RCBTB1: variants seen among roughly 807,000 people sequenced by gnomAD.
RCBTB1 encodes the protein RCC1 and BTB domain containing protein 1.
RCBTB1 carries 46 observed loss-of-function variants against 62.4 expected under a neutral mutation model. That is an observed-to-expected ratio of 0.74 (90% CI 0.58 to 0.94). The LOEUF (loss-of-function observed/expected upper bound fraction) is 0.94. Among genes scored for constraint, RCBTB1 ranks in the 40% least tolerant of loss-of-function variants. The pLI is 0.00. For synonymous variants in RCBTB1, 222 were observed against 245.8 expected (o/e 0.90, Z 0.91); for missense variants, 565 against 654.9 (o/e 0.86, Z 1.50).
intron 4 of RCBTB1, among the ~76,000 whole-genome samples, chr13:49,565,955 G>A (rs1459910786): frequency 4.0e-5 from 6 of 151,064 alleles, no homozygotes; most frequent in Admixed American, 2.0e-4. Context: ...GTTGATCTAT[G>A]ACCTTACCCC....
chr13:49,579,637 A>G (rs1963983390), intron 2 of RCBTB1, among the ~76,000 whole-genome samples: 1 of 152,058 alleles, frequency 6.6e-6, no homozygotes, highest in South Asian at 2.1e-4. Flanking sequence ...AAAAAAAAAA[A>G]AAGAATGAAA....
intron 9 of RCBTB1, among the ~76,000 whole-genome samples, 189 bp from the exon 10 acceptor site, chr13:49,545,052 GA>G (rs1960691050): frequency 1.3e-5 from 2 of 150,478 alleles, no homozygotes; most frequent in Middle Eastern, 3.4e-3. Flanking sequence ...AACTACCAAA[GA>G]AAACCACCAA....
intron 2 of RCBTB1, among the ~76,000 whole-genome samples, chr13:49,577,459 G>C (rs1156407291): frequency 6.6e-6 from 1 of 152,180 alleles, no homozygotes; most frequent in East Asian, 1.9e-4. Flanking sequence ...ATTTAGGGTT[G>C]ATCTGTAAGC....
rs55875979 is a variant in RCBTB1, at chr13:49,562,514, C to CA, written c.278-2431dup. On this transcript the variant is annotated intron_variant, in intron 4 of 12. Transcript: ENST00000378302. ...TAGCCTGGACAGAGAGACCCTGTCT[C>CA]AAAAAAAAAAAAAAAAAAAAATTTG... 7.8e-3 allele frequency among the ~76,000 whole-genome samples: 904 copies of CA among 115,288 alleles called. 5 individuals carry two copies. The highest frequency in any genetic ancestry group is 0.027 in the Middle Eastern group (6 of 220). 75.6% of individuals were successfully genotyped at this position (115,288 alleles called of 152,430 possible).
chr13:49,578,174 G>A (rs183868443), intron 2 of RCBTB1, among the ~76,000 whole-genome samples: 86 of 152,234 alleles, frequency 5.6e-4, no homozygotes, highest in Non-Finnish European at 9.3e-4. Flanking sequence ...ATAGAAAATG[G>A]CATAGTATTT....
chr13:49,557,896 C>T lies in RCBTB1; in HGVS notation c.444+2022G>A, dbSNP rs556516062. 1.4e-4 allele frequency among the ~76,000 whole-genome samples: 21 copies of T among 152,332 alleles called. No homozygotes were observed. The South Asian group carries it at 4.3e-3, about 32-fold the overall frequency. ...TACATGCACAGGGCTACAATATTCA[C>T]ACCACATCAAGTACAAATATGGTCA... is the stretch of plus-strand genomic sequence containing the variant. On this transcript the variant is annotated intron_variant, in intron 5 of 12. Coordinates refer to ENST00000378302, the MANE Select transcript of RCBTB1 (RefSeq NM_018191.4).
rs1226422584 is a variant in RCBTB1 at position 49,543,263 on chromosome 13, C to CA, written c.1173-1437dup. On this transcript the variant is annotated intron_variant, in intron 10 of 12. Transcript: ENST00000378302. Reference sequence around the variant, plus strand: ...TGGGTGACAGAATGAGTCTCTGTCTCAAAAAAAAAAGAAAAAGAATCCATT... The same window carrying CA: ...TGGGTGACAGAATGAGTCTCTGTCTCAAAAAAAAAAAGAAAAAGAATCCATT... Among the ~76,000 whole-genome samples the CA allele has an allele frequency of 8.8e-3, 1,234 of 140,052 alleles. 11 individuals are homozygous for CA. Among genetic ancestry groups the CA allele is most frequent in the African/African-American group, 0.02 (738 of 37,844 alleles). 91.9% of individuals were successfully genotyped at this position (140,052 alleles called of 152,430 possible).
chr13:49,579,188 C>T (rs1963951060), intron 2 of RCBTB1, among the ~76,000 whole-genome samples: 1 of 152,160 alleles, frequency 6.6e-6, no homozygotes, highest in Admixed American at 6.5e-5. Flanking sequence ...AAACTTAAAA[C>T]CATTTCACCC....
intron 11 of RCBTB1, 105 bp from the exon 12 acceptor site, chr13:49,541,111 T>G: frequency 1.1e-6 from 1 of 926,938 alleles, no homozygotes; most frequent in South Asian, 1.8e-5. Context: ...TAGAAGTTTC[T>G]TAGTGGATAA....
At chr13:49,534,506 ACG>A (rs534138775) in intron 12 of RCBTB1, among the ~76,000 whole-genome samples, 143 of 151,346 alleles carry the variant, frequency 9.4e-4, no homozygotes, top group African/African-American at 2.3e-3. Flanking sequence ...CAAAACACAC[ACG>A]CGCGCGCACA....
At position 49,549,618 on chromosome 13, in the gene RCBTB1, G is replaced by A. The variant is rs1961154850; in HGVS notation, c.885C>T (p.Ala295=). Residue 295 remains alanine (A), a synonymous_variant, in exon 9 of 13, where the codon GCC becomes GCT. Coordinates refer to ENST00000378302, the MANE Select transcript of RCBTB1 (RefSeq NM_018191.4). ...CCTGCGTCTTGGCTGCAGACGTGTGGGCAGAGTGACAGGCTGCAATCTCTA... is the reference window on the plus strand; with the variant it reads ...CCTGCGTCTTGGCTGCAGACGTGTGAGCAGAGTGACAGGCTGCAATCTCTA... ...RVVEIAACHS[A]HTSAAKTQGG... is the part of the protein sequence containing the mutation. 1 of 1,612,846 alleles carries A rather than the reference G, an allele frequency of 6.2e-7. No individual in the cohort carries two copies. The highest frequency in any genetic ancestry group is 1.1e-5 in the South Asian group (1 of 90,926).
Position 49,540,939 on chromosome 13 carries a change from CTT to C in RCBTB1, c.1390_1391del (p.Lys464GlufsTer19). On this transcript the variant is annotated frameshift_variant, in exon 12 of 13. Transcript: ENST00000378302. LOFTEE classifies it high-confidence loss of function. ...RLKKLCQHIIKRGITVENAFS... is the reference protein window; with the variant it reads ...RLKKLCQHIIXRGITVENAFS... ...AGGCATTCTCCACAGTAATTCCTCT[CTT>C]GATAATGTGCTGACAAAGTTTTTTC... 6.2e-7 allele frequency: 1 copy of C among 1,613,864 alleles called. No homozygotes were observed. Among genetic ancestry groups the C allele is most frequent in the African/African-American group, 1.3e-5 (1 of 75,060 alleles).
intron 1 of RCBTB1, among the ~76,000 whole-genome samples, chr13:49,583,889 T>C (rs527616231): frequency 1.3e-5 from 2 of 152,292 alleles, no homozygotes; most frequent in East Asian, 1.9e-4. Flanking sequence ...AGAGAATATT[T>C]TGAAATGTGT....
At chr13:49,545,328 A>G (rs1960706420) in intron 9 of RCBTB1, among the ~76,000 whole-genome samples, 1 of 152,170 alleles carries the variant, frequency 6.6e-6, no homozygotes, top group Non-Finnish European at 1.5e-5. Flanking sequence ...TTAAATGGTA[A>G]TGCTAAGCGG....
chr13:49,544,833 G>A lies in RCBTB1; in HGVS notation c.1076C>T (p.Ser359Leu), dbSNP rs1238607239. 1 of 1,611,624 alleles carries A rather than the reference G, an allele frequency of 6.2e-7. No homozygotes were observed. Among genetic ancestry groups the A allele is most frequent in the East Asian group, 2.2e-5 (1 of 44,758 alleles). The stretch of plus-strand genomic sequence containing the variant: ...TGGACTATCAAATTCTTTCTTCAGT[G>A]ACTCTGCAACTGTTAAAAAGTCTTC... ...EHEDFLTVAESLKKEFDSPET... is the reference protein window; with the variant it reads ...EHEDFLTVAELLKKEFDSPET... Residue 359 changes from serine (S) to leucine (L), a missense_variant, in exon 10 of 13, where the codon TCA becomes TTA. Coordinates refer to ENST00000378302, the MANE Select transcript of RCBTB1 (RefSeq NM_018191.4).
intron 6 of RCBTB1, among the ~76,000 whole-genome samples, chr13:49,552,585 C>T (rs982279289): frequency 4.6e-5 from 7 of 152,120 alleles, no homozygotes; most frequent in African/African-American, 1.7e-4. Context: ...TGTCAGAACA[C>T]TCTGAAAGGT....
intron 12 of RCBTB1, among the ~76,000 whole-genome samples, chr13:49,539,080 G>T (rs571383292): frequency 2.0e-5 from 3 of 151,962 alleles, no homozygotes; most frequent in South Asian, 2.1e-4. Context: ...ATGTTGGCCA[G>T]GCTGGTCTCA....
At chr13:49,541,873 A>G (rs1373169865) in intron 10 of RCBTB1, 46 bp from the exon 11 acceptor site, 2 of 1,541,950 alleles carry the variant, frequency 1.3e-6, no homozygotes, top group Non-Finnish European at 1.7e-6. Context: ...AGCAATTTTT[A>G]AAAAAGAAAA....
At chr13:49,585,215 C>T (rs1035225316) in intron 1 of RCBTB1, among the ~76,000 whole-genome samples, 1 of 152,222 alleles carries the variant, frequency 6.6e-6, no homozygotes, top group African/African-American at 2.4e-5. Context: ...ATCCTTCCCT[C>T]CTCCTCGCAG....
Sources: gnomAD v4.1 joint callset for allele counts (sites outside exome capture counted in the v4.1 genomes callset) on GRCh38, gnomAD v4.1.1 for gene constraint, MANE v1.5 for transcripts, NCBI Gene and HGNC (gene_info 2026-07-23, HGNC 2026-07-21) for gene names.